Variants in ZNF254 observed in about 807,000 individuals in gnomAD.
The protein encoded by ZNF254 is zinc finger protein 254.
A neutral mutation model predicts 12.4 loss-of-function variants in ZNF254; 10 were observed. The ratio of observed to expected loss-of-function variants is 0.80; its 90% CI spans 0.50 to 1.36. The LOEUF (loss-of-function observed/expected upper bound fraction) is 1.36, where lower values mean the gene tolerates loss of function less well. Among genes scored for constraint, ZNF254 ranks in the 40% most tolerant of loss-of-function variants. ZNF254 has a pLI of 0.00. For missense variants in ZNF254, 996 were observed against 763.9 expected, an observed-to-expected ratio of 1.30 and a Z score of -3.58; for synonymous variants, 305 against 253.4, an observed-to-expected ratio of 1.20 and a Z score of -1.93.
chr19:24,103,967 C>G (rs1008837643), intron 1 of ZNF254: 1 of 152,360 alleles, frequency 6.6e-6, no homozygotes, highest in Non-Finnish European at 1.5e-5. Flanking sequence ...TCAGGTGATC[C>G]ACCTGCCTTG....
At chr19:24,067,376 T>C (rs556244966) in intron 2 of ZNF254, among the ~76,000 whole-genome samples, 5 of 151,724 alleles carry the variant, frequency 3.3e-5, no homozygotes, top group Admixed American at 3.3e-4. Flanking sequence ...TATCTATGGG[T>C]CAGTTGGCTA....
chr19:24,115,967 C>G (rs370457413), intron 3 of ZNF254, among the ~76,000 whole-genome samples: 61 of 152,240 alleles, frequency 4.0e-4, no homozygotes, highest in African/African-American at 1.4e-3. Context: ...CTTAGTTTGG[C>G]TGGATATGAA....
chr19:24,109,537 T>G (rs1225994800), intron 3 of ZNF254, among the ~76,000 whole-genome samples: 2 of 152,200 alleles, frequency 1.3e-5, no homozygotes, highest in Non-Finnish European at 2.9e-5. Context: ...CAATTCTGTT[T>G]GTATACTTTA....
intron 1 of ZNF254, among the ~76,000 whole-genome samples, chr19:24,091,304 A>C (rs1419452952): frequency 1.5e-5 from 2 of 134,984 alleles, no homozygotes; most frequent in African/African-American, 2.9e-5. Context: ...GCTACCAAGG[A>C]AAAAAATAAA....
chr19:24,070,087 T>C (rs1971427307), intron 2 of ZNF254, among the ~76,000 whole-genome samples: 1 of 152,182 alleles, frequency 6.6e-6, no homozygotes, highest in African/African-American at 2.4e-5. Context: ...TTTCTAAAGC[T>C]ACAAATGATG....
upstream of ZNF254, among the ~76,000 whole-genome samples, chr19:24,085,078 C>A (rs551649008): frequency 6.6e-6 from 1 of 151,360 alleles, no homozygotes; most frequent in Non-Finnish European, 1.5e-5. Context: ...ACTACAGGCA[C>A]GCGCCACCAC....
intron 3 of ZNF254, among the ~76,000 whole-genome samples, chr19:24,115,263 T>G (rs1359716769): frequency 1.3e-5 from 2 of 152,058 alleles, no homozygotes; most frequent in South Asian, 2.1e-4. Context: ...TAGCAAAGAC[T>G]TGGAACCAAC....
chr19:24,108,871 T>C (rs1395647498), intron 3 of ZNF254, among the ~76,000 whole-genome samples: 3 of 152,194 alleles, frequency 2.0e-5, no homozygotes, highest in African/African-American at 7.2e-5. Context: ...AAAGGAATTA[T>C]AGAGCCAGGC....
At chr19:24,122,251 G>T (rs1051069616) in intron 3 of ZNF254, among the ~76,000 whole-genome samples, 1 of 151,790 alleles carries the variant, frequency 6.6e-6, no homozygotes, top group Non-Finnish European at 1.5e-5. Flanking sequence ...TTGAGGTGGA[G>T]TCTTGCTCTG....
At chr19:24,088,202 C>G (rs181930713) in intron 1 of ZNF254, among the ~76,000 whole-genome samples, 89 of 152,202 alleles carry the variant, frequency 5.8e-4, no homozygotes, top group African/African-American at 2.0e-3. Context: ...GCCACCGTGC[C>G]CAGCCTCGTT....
intron 2 of ZNF254, among the ~76,000 whole-genome samples, chr19:24,062,578 G>C (rs1971117344): frequency 6.6e-6 from 1 of 150,762 alleles, no homozygotes; most frequent in South Asian, 2.1e-4. Flanking sequence ...TCCTGACAGA[G>C]AGAAGCACAC....
intron 2 of ZNF254, among the ~76,000 whole-genome samples, chr19:24,077,223 C>T (rs778153396): frequency 6.6e-6 from 1 of 152,194 alleles, no homozygotes; most frequent in Non-Finnish European, 1.5e-5. Context: ...TACCTGACCA[C>T]ACCAATGTAC....
At chr19:24,124,833 G>A (rs1279648425) in intron 3 of ZNF254, among the ~76,000 whole-genome samples, 1 of 151,752 alleles carries the variant, frequency 6.6e-6, no homozygotes, top group African/African-American at 2.4e-5. Context: ...GAGTGTAGTG[G>A]TGTGACCTGA....
At position 24,127,727 on chromosome 19, in the gene ZNF254, G is replaced by A. The variant is rs368968336; in HGVS notation, c.1727G>A (p.Cys576Tyr). 39 of 1,612,846 alleles carry A rather than the reference G, an allele frequency of 2.4e-5. No homozygotes were observed. In the African/African-American group the frequency reaches 4.9e-4, roughly 20 times the overall value. Residue 576 changes from cysteine (C) to tyrosine (Y), a missense_variant, in exon 4 of 4, where the codon TGT becomes TAT. Cys to Tyr is a radical substitution (Grantham distance 194). Transcript: ENST00000357002. ...CATACTGGAGAGAAACCCTATAAAT[G>A]TGAAGAATGTGGCAAATCTTTTAAC... ...RIHTGEKPYKCEECGKSFNRS... is the reference protein window; with the variant it reads ...RIHTGEKPYKYEECGKSFNRS...
In ZNF254 at chr19:24,127,854, T is replaced by G; in HGVS notation, c.1854T>G (p.Thr618=). Residue 618 remains threonine, a synonymous_variant, in exon 4 of 4, where the codon ACT becomes ACG. Coordinates refer to ENST00000357002, the MANE Select transcript of ZNF254 (RefSeq NM_203282.4). ...GKAFFWSSTL[T]KHKRIHTGEQ... is the part of the protein sequence containing the mutation. ...CATTTTTCTGGTCCTCAACCCTAAC[T>G]AAACATAAGAGAATTCATACTGGAG... 1 of 1,613,364 alleles carries G rather than the reference T, an allele frequency of 6.2e-7. No homozygotes were observed. Among genetic ancestry groups the G allele is most frequent in the Non-Finnish European group, 8.5e-7 (1 of 1,179,712 alleles).
At chr19:24,109,529 A>T (rs1973536744) in intron 3 of ZNF254, among the ~76,000 whole-genome samples, 1 of 152,092 alleles carries the variant, frequency 6.6e-6, no homozygotes, top group Non-Finnish European at 1.5e-5. Flanking sequence ...ACAATCGGCA[A>T]TTCTGTTTGT....
intron 2 of ZNF254, among the ~76,000 whole-genome samples, chr19:24,059,921 G>T (rs1971005542): frequency 6.6e-6 from 1 of 152,096 alleles, no homozygotes; most frequent in South Asian, 2.1e-4. Flanking sequence ...AGGAGGCTTT[G>T]TGGCATGTCT....
chr19:24,043,737 ACT>A (rs1255734191), intron 1 of ZNF254, among the ~76,000 whole-genome samples: 1 of 107,780 alleles, frequency 9.3e-6, no homozygotes, highest in Non-Finnish European at 2.2e-5. Flanking sequence ...GAAATGTTCT[ACT>A]CTCCAACTTT....
intron 3 of ZNF254, among the ~76,000 whole-genome samples, chr19:24,116,840 C>G (rs1974112415): frequency 6.6e-6 from 1 of 152,020 alleles, no homozygotes; most frequent in African/African-American, 2.4e-5. Flanking sequence ...TACTTTTGGT[C>G]TTTGACGATG....
Sources: gnomAD v4.1 joint callset for allele counts (sites outside exome capture counted in the v4.1 genomes callset) on GRCh38, gnomAD v4.1.1 for gene constraint, MANE v1.5 for transcripts, NCBI Gene and HGNC (gene_info 2026-07-23, HGNC 2026-07-21) for gene names.